The following FLYWCH2 variants were observed in gnomAD, a reference collection of about 807,000 sequenced individuals.
The protein encoded by FLYWCH2 is FLYWCH family member 2.
In FLYWCH2, 2 loss-of-function variants were observed where a neutral mutation model predicts 6.0. The ratio of observed to expected loss-of-function variants is 0.33; its 90% CI spans 0.14 to 1.04. The LOEUF is 1.04. Among genes scored for constraint, FLYWCH2 ranks in the 50% least tolerant of loss-of-function variants. FLYWCH2 has a pLI of 0.45. For missense variants in FLYWCH2, 192 were observed against 183.4 expected (o/e 1.05, Z -0.27); for synonymous variants, 87 against 79.3 (o/e 1.10, Z -0.52).
intron 1 of FLYWCH2, among the ~76,000 whole-genome samples, chr16:2,888,181 T>C (rs923184612): frequency 3.3e-5 from 5 of 151,986 alleles, no homozygotes; most frequent in Non-Finnish European, 7.4e-5. Flanking sequence ...GCTAATTTTT[T>C]GTATTTTTAG....
intron 1 of FLYWCH2, among the ~76,000 whole-genome samples, chr16:2,887,765 C>CCTA (rs1440143624): frequency 2.0e-5 from 3 of 151,760 alleles, no homozygotes; most frequent in Non-Finnish European, 4.4e-5. Context: ...TGAGATCTCA[C>CCTA]TATGTTGCCT....
intron 1 of FLYWCH2, among the ~76,000 whole-genome samples, chr16:2,891,802 C>G (rs1189357670): frequency 3.3e-5 from 5 of 152,100 alleles, no homozygotes; most frequent in Non-Finnish European, 7.4e-5. Flanking sequence ...AAGTGATCCT[C>G]CCGCCTTGCT....
chr16:2,884,266 G>A (rs1223562585), intron 1 of FLYWCH2, among the ~76,000 whole-genome samples: 3 of 152,056 alleles, frequency 2.0e-5, no homozygotes, highest in Admixed American at 6.6e-5. Context: ...TGAGGATGCC[G>A]GTGCTGGTGG....
chr16:2,893,634 CTTTTTTTTTT>C (rs35147234), intron 1 of FLYWCH2, among the ~76,000 whole-genome samples: 81 of 111,920 alleles, frequency 7.2e-4, no homozygotes, highest in South Asian at 6.6e-4. Context: ...TTCTTTTCTT[CTTTTTTTTTT>C]TTTTTTTTTT....
At chr16:2,895,970 A>G (rs993839333) in intron 2 of FLYWCH2, among the ~76,000 whole-genome samples, 3 of 152,172 alleles carry the variant, frequency 2.0e-5, no homozygotes, top group African/African-American at 4.8e-5. Flanking sequence ...GTCCATAAGA[A>G]CAGCCTGCTG....
intron 1 of FLYWCH2, among the ~76,000 whole-genome samples, chr16:2,891,441 A>G (rs1298240387): frequency 1.3e-5 from 2 of 151,784 alleles, no homozygotes; most frequent in Non-Finnish European, 2.9e-5. Context: ...GTCTCGCCCT[A>G]TCGCCCAGGC....
rs567715478 is a variant in FLYWCH2, at chr16:2,887,136, C to T, written c.-200+3770C>T. Among the ~76,000 whole-genome samples, 9 of 151,830 alleles carry T rather than the reference C, an allele frequency of 5.9e-5. 1 individual carries two copies. Among genetic ancestry groups the T allele is most frequent in the African/African-American group, 2.2e-4 (9 of 41,372 alleles). ...TTATTACTGTAGCTCTTGTAATAAA[C>T]TATAATTTTTTGTTTTTTTGTTGTT... On this transcript the variant is annotated intron_variant, in intron 1 of 3. Coordinates refer to ENST00000396958, the MANE Select transcript of FLYWCH2 (RefSeq NM_138439.3).
At chr16:2,891,674 G>T (rs562372279) in intron 1 of FLYWCH2, among the ~76,000 whole-genome samples, 1 of 152,088 alleles carries the variant, frequency 6.6e-6, no homozygotes, top group East Asian at 2.0e-4. Context: ...AAAGTGCTGG[G>T]ATTATAGGCG....
chr16:2,887,262 C>G (rs1174717699), intron 1 of FLYWCH2, among the ~76,000 whole-genome samples: 1 of 151,740 alleles, frequency 6.6e-6, no homozygotes, highest in African/African-American at 2.4e-5. Flanking sequence ...CCTTCCACCT[C>G]AGCTTCCCAA....
At chr16:2,884,862 G>A (rs973931809) in intron 1 of FLYWCH2, among the ~76,000 whole-genome samples, 7 of 149,120 alleles carry the variant, frequency 4.7e-5, no homozygotes, top group South Asian at 2.1e-4. Flanking sequence ...CGACAAGAGC[G>A]ATACTCCGTC....
chr16:2,898,503 G>T (rs552396971), intron 3 of FLYWCH2, among the ~76,000 whole-genome samples: 1 of 152,206 alleles, frequency 6.6e-6, no homozygotes, highest in Non-Finnish European at 1.5e-5. Flanking sequence ...AGGGCAGAGG[G>T]GGTTGGAGTC....
rs1353729700 is a variant in FLYWCH2 at position 2,899,303 on chromosome 16, C to T, written c.*154C>T. On this transcript the variant is annotated 3_prime_UTR_variant, in exon 4 of 4. Transcript: ENST00000396958. ...TTTTTTTTAGATCAAGTATAAGTTA[C>T]TTTTGTAAGCAGAAAAATACTTTCA... is the stretch of plus-strand genomic sequence containing the variant. The T allele has an allele frequency of 1.8e-5, 9 of 512,256 alleles. No homozygotes were observed. In the African/African-American group the frequency reaches 1.8e-4, roughly 10 times the overall value. 31.7% of individuals were successfully genotyped at this position (512,256 alleles called of 1,614,324 possible).
chr16:2,896,039 C>A lies in FLYWCH2; in HGVS notation c.-98-313C>A, dbSNP rs146378687. On this transcript the variant is annotated intron_variant, in intron 2 of 3. Coordinates refer to ENST00000396958, the MANE Select transcript of FLYWCH2 (RefSeq NM_138439.3). The stretch of plus-strand genomic sequence containing the variant: ...GTCCTCAGGGTGGAAACCCTTCGTC[C>A]GTGCTCAGCATGTGGGAGGCCCATT... 2.2e-3 allele frequency among the ~76,000 whole-genome samples: 328 copies of A among 152,330 alleles called. 2 individuals carry two copies. Among genetic ancestry groups the A allele is most frequent in the African/African-American group, 7.4e-3 (308 of 41,556 alleles).
chr16:2,885,556 T>G (rs2069689669), intron 1 of FLYWCH2, among the ~76,000 whole-genome samples: 2 of 152,234 alleles, frequency 1.3e-5, no homozygotes, highest in Admixed American at 1.3e-4. Flanking sequence ...CTCTAAGTAA[T>G]TTCATGTAAA....
intron 1 of FLYWCH2, among the ~76,000 whole-genome samples, chr16:2,887,931 G>A (rs1305990704): frequency 6.6e-6 from 1 of 151,882 alleles, no homozygotes; most frequent in Non-Finnish European, 1.5e-5. Flanking sequence ...CTGAAAATCA[G>A]TTCACCATAT....
Position 2,885,136 on chromosome 16 carries a change from C to T in FLYWCH2, c.-200+1770C>T, listed in dbSNP as rs556384850. 1.1e-3 allele frequency among the ~76,000 whole-genome samples: 170 copies of T among 152,198 alleles called. 2 individuals are homozygous for T. The highest frequency in any genetic ancestry group is 4.0e-3 in the African/African-American group (168 of 41,536). The stretch of plus-strand genomic sequence containing the variant: ...AGGAGATCGAGACCATCCTGGCTAA[C>T]ACGGTGAAACCCCGTCTCTACTAAA... On this transcript the variant is annotated intron_variant, in intron 1 of 3. Transcript: ENST00000396958.
At chr16:2,892,565 G>C (rs1026384850) in intron 1 of FLYWCH2, among the ~76,000 whole-genome samples, 1 of 150,634 alleles carries the variant, frequency 6.6e-6, no homozygotes, top group African/African-American at 2.4e-5. Flanking sequence ...TATAAATGCA[G>C]TCGGGCACAG....
intron 2 of FLYWCH2, among the ~76,000 whole-genome samples, chr16:2,895,900 TG>T (rs1163106330): frequency 6.6e-6 from 1 of 152,236 alleles, no homozygotes; most frequent in African/African-American, 2.4e-5. Flanking sequence ...ACTCCATCTC[TG>T]CCACTCTGTG....
intron 1 of FLYWCH2, among the ~76,000 whole-genome samples, chr16:2,884,603 G>A (rs574058285): frequency 2.0e-5 from 3 of 147,472 alleles, no homozygotes; most frequent in East Asian, 2.0e-4. Context: ...GGGCCGGCGC[G>A]GTGGCTCACG....
Sources: allele counts gnomAD v4.1 joint callset (sites outside exome capture counted in the v4.1 genomes callset), GRCh38; gene constraint gnomAD v4.1.1; transcripts MANE v1.5; gene names NCBI Gene and HGNC (gene_info 2026-07-23, HGNC 2026-07-21).